Variants in TMEM117 observed in about 807,000 individuals in gnomAD.
TMEM117 encodes transmembrane protein 117.
TMEM117 carries 27 observed loss-of-function variants against 52.4 expected under a neutral mutation model. The observed-to-expected ratio is 0.51, with a 90% CI of 0.38 to 0.71. TMEM117 has a LOEUF of 0.71. Ranked by LOEUF, TMEM117 falls within the 30% of genes least tolerant of loss-of-function variation. The pLI, the probability that TMEM117 is intolerant of heterozygous loss-of-function variation, is 0.00. For missense variants in TMEM117, 556 were observed against 630.5 expected (o/e 0.88, Z 1.26); for synonymous variants, 215 against 206.3 (o/e 1.04, Z -0.36).
chr12:44,212,197 A>G (rs973666351), intron 5 of TMEM117, among the ~76,000 whole-genome samples: 6 of 152,198 alleles, frequency 3.9e-5, no homozygotes, highest in Non-Finnish European at 7.3e-5. Flanking sequence ...CCATACATAC[A>G]TTTTAAATTG....
At chr12:44,055,627 C>T (rs1185047683) in intron 3 of TMEM117, among the ~76,000 whole-genome samples, 1 of 152,078 alleles carries the variant, frequency 6.6e-6, no homozygotes. Context: ...CCATTTTCCT[C>T]ATTTGTAAAG....
chr12:43,930,233 G>GT (rs200741459), intron 2 of TMEM117, among the ~76,000 whole-genome samples: 1,782 of 151,850 alleles, frequency 0.012, 42 homozygotes, highest in East Asian at 0.069. Flanking sequence ...TTTATGCTTA[G>GT]TTTTTTTTGC....
chr12:43,802,487 A>G, the TMEM117 span: 22 of 1,569,740 alleles, frequency 1.4e-5, no homozygotes, highest in African/African-American at 2.9e-4. Flanking sequence ...ATTTTTAGAA[A>G]GATAGGTAAA....
intron 3 of TMEM117, among the ~76,000 whole-genome samples, chr12:44,103,922 A>G (rs1225612301): frequency 6.6e-6 from 1 of 151,830 alleles, no homozygotes; most frequent in Non-Finnish European, 1.5e-5. Context: ...ACTAACTTTC[A>G]TGTCATAGTT....
intron 2 of TMEM117, among the ~76,000 whole-genome samples, chr12:43,854,233 A>C (rs1943360301): frequency 6.6e-6 from 1 of 152,176 alleles, no homozygotes; most frequent in South Asian, 2.1e-4. Context: ...GTAAAACAGA[A>C]GTAAGAAGTT....
At chr12:43,836,575 C>G (rs1052866365) in intron 1 of TMEM117, among the ~76,000 whole-genome samples, 1 of 152,220 alleles carries the variant, frequency 6.6e-6, no homozygotes, top group African/African-American at 2.4e-5. Flanking sequence ...CGATTCCTAG[C>G]CTAGGAACTG....
At chr12:43,876,248 G>A (rs1285022409) in intron 2 of TMEM117, among the ~76,000 whole-genome samples, 1 of 152,166 alleles carries the variant, frequency 6.6e-6, no homozygotes, top group African/African-American at 2.4e-5. Context: ...TTGTTCAGGT[G>A]TGGTGGCATT....
At chr12:44,098,864 C>T (rs1011650924) in intron 3 of TMEM117, among the ~76,000 whole-genome samples, 3 of 152,074 alleles carry the variant, frequency 2.0e-5, no homozygotes. Flanking sequence ...GGAATAGGTA[C>T]ATTTATCTTT....
intron 5 of TMEM117, among the ~76,000 whole-genome samples, chr12:44,251,030 TG>T (rs1238570913): frequency 6.6e-6 from 1 of 152,094 alleles, no homozygotes; most frequent in Non-Finnish European, 1.5e-5. Flanking sequence ...ATAAAGATTT[TG>T]AGAGGGTTCT....
chr12:43,848,602 T>C (rs1184464347), intron 2 of TMEM117, among the ~76,000 whole-genome samples: 4 of 152,060 alleles, frequency 2.6e-5, no homozygotes, highest in Non-Finnish European at 5.9e-5. Context: ...ATCACTATTA[T>C]TCTGTTCTTT....
At chr12:44,367,133 A>G (rs1030059931) in intron 6 of TMEM117, among the ~76,000 whole-genome samples, 1 of 152,124 alleles carries the variant, frequency 6.6e-6, no homozygotes, top group African/African-American at 2.4e-5. Context: ...TTTGAAACTA[A>G]TCTAATCATA....
At chr12:44,002,700 A>T (rs1318845990) in intron 3 of TMEM117, among the ~76,000 whole-genome samples, 1 of 151,940 alleles carries the variant, frequency 6.6e-6, no homozygotes, top group Non-Finnish European at 1.5e-5. Context: ...CTCATATCTC[A>T]TGATTATCGA....
At chr12:44,187,648 G>T (rs1949296235) in intron 4 of TMEM117, among the ~76,000 whole-genome samples, 1 of 152,122 alleles carries the variant, frequency 6.6e-6, no homozygotes, top group South Asian at 2.1e-4. Context: ...AGTTATAAAT[G>T]GGATTAAATC....
intron 3 of TMEM117, among the ~76,000 whole-genome samples, chr12:43,967,900 C>T (rs971399732): frequency 1.3e-5 from 2 of 152,188 alleles, no homozygotes; most frequent in African/African-American, 4.8e-5. Context: ...CGTGTGGACA[C>T]GCACACATAC....
intron 4 of TMEM117, among the ~76,000 whole-genome samples, chr12:44,204,841 G>A (rs1949543893): frequency 6.6e-6 from 1 of 152,088 alleles, no homozygotes; most frequent in African/African-American, 2.4e-5. Flanking sequence ...GGGATAACTG[G>A]CTAGCCATAT....
At chr12:43,932,837 C>T (rs957593035) in intron 2 of TMEM117, among the ~76,000 whole-genome samples, 2 of 152,158 alleles carry the variant, frequency 1.3e-5, no homozygotes, top group African/African-American at 2.4e-5. Context: ...GTACAAGACA[C>T]CAGTCTGAAA....
chr12:43,978,428 T>C (rs1446028769), intron 3 of TMEM117, among the ~76,000 whole-genome samples: 2 of 152,092 alleles, frequency 1.3e-5, no homozygotes, highest in Admixed American at 1.3e-4. Context: ...CCAGGGCCAA[T>C]ATTAAGGCTC....
At chr12:44,034,458 G>C (rs1274860522) in intron 3 of TMEM117, among the ~76,000 whole-genome samples, 1 of 152,166 alleles carries the variant, frequency 6.6e-6, no homozygotes, top group African/African-American at 2.4e-5. Flanking sequence ...TGTTAAATTA[G>C]TCCAAATAGA....
chr12:44,081,698 A>T (rs549015897), intron 3 of TMEM117, among the ~76,000 whole-genome samples: 1 of 151,962 alleles, frequency 6.6e-6, no homozygotes, highest in Admixed American at 6.6e-5. Context: ...TTCTTTGGGG[A>T]TTTATTTGAG....
Sources: allele counts gnomAD v4.1 joint callset (sites outside exome capture counted in the v4.1 genomes callset), GRCh38; gene constraint gnomAD v4.1.1; transcripts MANE v1.5; gene names NCBI Gene and HGNC (gene_info 2026-07-23, HGNC 2026-07-21).